The following ZEB2 variants were observed in gnomAD, a reference collection of about 807,000 sequenced individuals.
ZEB2 encodes the protein zinc finger E-box-binding homeobox 2.
Under a neutral mutation model 99.9 loss-of-function variants are expected in ZEB2, and 6 were observed. The ratio of observed to expected loss-of-function variants is 0.06; its 90% CI spans 0.03 to 0.12. The LOEUF (loss-of-function observed/expected upper bound fraction) is 0.12, where lower values mean the gene tolerates loss of function less well. Ranked by LOEUF, ZEB2 falls within the 10% of genes least tolerant of loss-of-function variation. The pLI is 1.00. For missense variants in ZEB2, 969 were observed against 1,502.8 expected (o/e 0.64, Z 5.87); for synonymous variants, 517 against 542.5 (o/e 0.95, Z 0.65).
At chr2:144,429,595 A>G (rs1341912856) in intron 3 of ZEB2, 174 bp downstream of exon 3, 1 of 1,020,826 alleles carries the variant, frequency 9.8e-7, no homozygotes, top group South Asian at 1.5e-5. Flanking sequence ...CCGCAATGTG[A>G]TAACATTACT....
At chr2:144,408,857 G>C (rs1703420605) in intron 4 of ZEB2, among the ~76,000 whole-genome samples, 1 of 152,138 alleles carries the variant, frequency 6.6e-6, no homozygotes, top group Admixed American at 6.5e-5. Context: ...GATTGGTCCA[G>C]GGTAGCCAAT....
intron 2 of ZEB2, among the ~76,000 whole-genome samples, chr2:144,473,118 T>A (rs188028980): frequency 1.3e-5 from 2 of 152,014 alleles, no homozygotes; most frequent in African/African-American, 4.8e-5. Context: ...ACCACAACTA[T>A]GAGAATGGAA....
intron 4 of ZEB2, among the ~76,000 whole-genome samples, chr2:144,419,722 T>A (rs192584038): frequency 1.2e-4 from 18 of 152,358 alleles, no homozygotes; most frequent in Admixed American, 1.1e-3. Flanking sequence ...CTGAAAGTTG[T>A]AAGGCTCTTT....
chr2:144,486,155 A>G (rs987080566), intron 2 of ZEB2, among the ~76,000 whole-genome samples: 9 of 152,202 alleles, frequency 5.9e-5, no homozygotes, highest in Admixed American at 1.3e-4. Context: ...ACCTGAGTTT[A>G]CAAAATTTTA....
intron 2 of ZEB2, chr2:144,511,731 G>C: frequency 7.8e-7 from 1 of 1,286,084 alleles, no homozygotes; most frequent in Non-Finnish European, 1.0e-6. Context: ...GGAGGTGCCT[G>C]GATGTTTCAA....
chr2:144,426,277 G>T (rs188221068), intron 3 of ZEB2, among the ~76,000 whole-genome samples: 14 of 152,240 alleles, frequency 9.2e-5, no homozygotes, highest in African/African-American at 3.4e-4. Flanking sequence ...ATTGTCAATT[G>T]TAATCATTGA....
intron 2 of ZEB2, among the ~76,000 whole-genome samples, chr2:144,457,714 G>T (rs187664163): frequency 1.0e-3 from 154 of 152,170 alleles, no homozygotes; most frequent in Non-Finnish European, 1.6e-3. Flanking sequence ...TGCTTGGAAG[G>T]TTTTTTAAAT....
At chr2:144,440,515 ATTTTTTTTTTTTTTTTTTTTTT>A (rs201944188) in intron 2 of ZEB2, among the ~76,000 whole-genome samples, 14 of 32,846 alleles carry the variant, frequency 4.3e-4, no homozygotes, top group African/African-American at 1.1e-3. Context: ...ATATATATAT[ATTTTTTTTTTTTTTTTTTTTTT>A]TTTTTAACTA....
At chr2:144,455,552 A>T (rs1704111046) in intron 2 of ZEB2, among the ~76,000 whole-genome samples, 1 of 152,240 alleles carries the variant, frequency 6.6e-6, no homozygotes, top group Non-Finnish European at 1.5e-5. Context: ...GAGAAAAAAC[A>T]AATTGATTAA....
chr2:144,509,446 A>T (rs982128656), intron 2 of ZEB2, among the ~76,000 whole-genome samples: 2 of 152,326 alleles, frequency 1.3e-5, no homozygotes, highest in East Asian at 1.9e-4. Flanking sequence ...AGAAAAAAAA[A>T]TCAGGAATCT....
chr2:144,507,523 A>C (rs1433859242), intron 2 of ZEB2: 4 of 152,226 alleles, frequency 2.6e-5, no homozygotes. Context: ...CAATTGAAAA[A>C]ATGAAAGCAA....
At chr2:144,466,741 G>A (rs184952636) in intron 2 of ZEB2, among the ~76,000 whole-genome samples, 7 of 151,482 alleles carry the variant, frequency 4.6e-5, no homozygotes, top group East Asian at 3.9e-4. Context: ...GAAGGTAGGC[G>A]TCAGAAAATA....
In ZEB2 at chr2:144,403,912, C is replaced by A; in HGVS notation, c.807+4G>T. The A allele has an allele frequency of 6.2e-7, 1 of 1,614,134 alleles. No homozygotes were observed. The highest frequency in any genetic ancestry group is 8.5e-7 in the Non-Finnish European group (1 of 1,180,020). On this transcript the variant is annotated splice_donor_region_variant and intron_variant, in intron 6 of 9. Transcript: ENST00000627532. The stretch of plus-strand genomic sequence containing the variant: ...AAAGAAATCACTTAAAACCATCCCC[C>A]CACCTGATCTGTCCCTGGCTTGTGT...
At chr2:144,510,345 C>G (rs1270640995) in intron 2 of ZEB2, among the ~76,000 whole-genome samples, 1 of 151,610 alleles carries the variant, frequency 6.6e-6, no homozygotes, top group Non-Finnish European at 1.5e-5. Flanking sequence ...TCCAGCTCGC[C>G]CGTCCCTCCC....
At chr2:144,479,698 G>A (rs1258082081) in intron 2 of ZEB2, among the ~76,000 whole-genome samples, 1 of 106,308 alleles carries the variant, frequency 9.4e-6, no homozygotes, top group Admixed American at 1.0e-4. Flanking sequence ...GGGGGGGCGG[G>A]GGGTGGACTT....
intron 4 of ZEB2, among the ~76,000 whole-genome samples, chr2:144,408,252 GT>G (rs1703413514): frequency 6.6e-6 from 1 of 152,196 alleles, no homozygotes; most frequent in South Asian, 2.1e-4. Context: ...TGGGATGAAT[GT>G]GGAATAAATT....
chr2:144,394,360 C>T (rs1240676768), intron 9 of ZEB2: 3 of 152,148 alleles, frequency 2.0e-5, no homozygotes, highest in African/African-American at 7.2e-5. Flanking sequence ...ATGTGTATGA[C>T]AGCCCTCACT....
chr2:144,395,777 T>A (rs1703221387), intron 9 of ZEB2, among the ~76,000 whole-genome samples: 1 of 152,192 alleles, frequency 6.6e-6, no homozygotes, highest in Non-Finnish European at 1.5e-5. Flanking sequence ...GCTGTTTTCT[T>A]GTCAACTCTT....
chr2:144,444,626 T>C (rs1283924268), intron 2 of ZEB2, among the ~76,000 whole-genome samples: 1 of 152,234 alleles, frequency 6.6e-6, no homozygotes, highest in Non-Finnish European at 1.5e-5. Flanking sequence ...ATAATGAGTG[T>C]GTAAATCACA....
Sources: gnomAD v4.1 joint callset for allele counts (sites outside exome capture counted in the v4.1 genomes callset) on GRCh38, gnomAD v4.1.1 for gene constraint, MANE v1.5 for transcripts, NCBI Gene and HGNC (gene_info 2026-07-23, HGNC 2026-07-21) for gene names.